ADGRL3: variants seen among roughly 807,000 people sequenced by gnomAD.
ADGRL3 encodes the protein calcium-independent alpha-latrotoxin receptor 3.
Under a neutral mutation model 153.5 loss-of-function variants are expected in ADGRL3, and 62 were observed. The ratio of observed to expected loss-of-function variants is 0.40; its 90% CI spans 0.33 to 0.50. ADGRL3 has a LOEUF of 0.50. Ranked by LOEUF, ADGRL3 falls within the 20% of genes least tolerant of loss-of-function variation. ADGRL3 has a pLI of 0.47. For missense variants in ADGRL3, 1,641 were observed against 1,859.4 expected (o/e 0.88, Z 2.16); for synonymous variants, 710 against 672.5 (o/e 1.06, Z -0.86).
At chr4:61,526,520 A>G (rs1444707120) in intron 4 of ADGRL3, among the ~76,000 whole-genome samples, 1 of 152,020 alleles carries the variant, frequency 6.6e-6, no homozygotes, top group African/African-American at 2.4e-5. Context: ...GTTCATGCCT[A>G]TAATCTTAAC....
chr4:61,787,111 A>G (rs1050953082), intron 8 of ADGRL3, among the ~76,000 whole-genome samples: 1 of 152,166 alleles, frequency 6.6e-6, no homozygotes, highest in African/African-American at 2.4e-5. Context: ...AGCAACGGGA[A>G]AAGATAAAAG....
intron 6 of ADGRL3, among the ~76,000 whole-genome samples, chr4:61,715,083 C>T (rs1159896242): frequency 6.6e-6 from 1 of 151,982 alleles, no homozygotes; most frequent in Non-Finnish European, 1.5e-5. Flanking sequence ...ATCTTACCAC[C>T]TTTTTTAACA....
At chr4:61,257,642 A>G (rs897855143) in intron 1 of ADGRL3, among the ~76,000 whole-genome samples, 2 of 152,202 alleles carry the variant, frequency 1.3e-5, no homozygotes, top group African/African-American at 4.8e-5. Context: ...ATTAAAATTC[A>G]ACTCCCCCCA....
At chr4:61,267,151 C>G (rs2092898147) in intron 1 of ADGRL3, among the ~76,000 whole-genome samples, 1 of 151,676 alleles carries the variant, frequency 6.6e-6, no homozygotes, top group South Asian at 2.1e-4. Flanking sequence ...ATTAAACTTT[C>G]AATTCCATTG....
At chr4:61,794,071 C>T (rs929583467) in intron 8 of ADGRL3, among the ~76,000 whole-genome samples, 15 of 152,158 alleles carry the variant, frequency 9.9e-5, no homozygotes, top group African/African-American at 3.1e-4. Flanking sequence ...TGCATGATGT[C>T]GTAATTAACT....
At chr4:61,380,283 C>CT (rs993795898) in intron 1 of ADGRL3, among the ~76,000 whole-genome samples, 8 of 152,092 alleles carry the variant, frequency 5.3e-5, no homozygotes, top group Admixed American at 3.3e-4. Context: ...GAGGTTAGCT[C>CT]TGTGAGTGCT....
intron 4 of ADGRL3, among the ~76,000 whole-genome samples, chr4:61,530,099 G>A (rs2098603105): frequency 1.3e-5 from 2 of 152,152 alleles, no homozygotes; most frequent in African/African-American, 4.8e-5. Context: ...AGCCAGTTCT[G>A]TAGGGATTTT....
At chr4:61,813,220 C>A (rs2097650333) in intron 8 of ADGRL3, among the ~76,000 whole-genome samples, 1 of 152,054 alleles carries the variant, frequency 6.6e-6, no homozygotes, top group Non-Finnish European at 1.5e-5. Flanking sequence ...TGGTGAAACC[C>A]CATCTCTACT....
intron 8 of ADGRL3, among the ~76,000 whole-genome samples, chr4:61,787,229 G>A (rs563300515): frequency 3.9e-5 from 6 of 151,944 alleles, no homozygotes; most frequent in Admixed American, 6.6e-5. Context: ...ATGAATTATT[G>A]TTTTTCACTA....
intron 23 of ADGRL3, among the ~76,000 whole-genome samples, chr4:62,035,107 T>A (rs1294813952): frequency 6.6e-6 from 1 of 152,016 alleles, no homozygotes; most frequent in Non-Finnish European, 1.5e-5. Flanking sequence ...TGGTCCATGT[T>A]ATTTTTTTTC....
chr4:62,045,519 T>C (rs962189901), intron 25 of ADGRL3, among the ~76,000 whole-genome samples: 4 of 152,034 alleles, frequency 2.6e-5, no homozygotes, highest in African/African-American at 9.7e-5. Context: ...TTATGCTACT[T>C]AGGAAGAAAT....
chr4:61,608,360 G>T (rs948640575), intron 5 of ADGRL3, among the ~76,000 whole-genome samples: 4 of 152,148 alleles, frequency 2.6e-5, no homozygotes, highest in African/African-American at 7.2e-5. Context: ...ACTGTAAAAT[G>T]CTAAAGACTA....
At chr4:61,680,753 T>C (rs2095318586) in intron 6 of ADGRL3, among the ~76,000 whole-genome samples, 1 of 152,068 alleles carries the variant, frequency 6.6e-6, no homozygotes, top group Non-Finnish European at 1.5e-5. Flanking sequence ...TAAGAAGAGT[T>C]AGTTTTTAAA....
intron 2 of ADGRL3, among the ~76,000 whole-genome samples, chr4:61,409,656 T>G (rs968390208): frequency 6.6e-5 from 10 of 151,560 alleles, no homozygotes; most frequent in Non-Finnish European, 2.9e-5. Flanking sequence ...TTTTTCACTC[T>G]GTTTTAGCAA....
At chr4:61,318,293 G>T (rs2095278243) in intron 1 of ADGRL3, among the ~76,000 whole-genome samples, 1 of 151,336 alleles carries the variant, frequency 6.6e-6, no homozygotes, top group African/African-American at 2.4e-5. Flanking sequence ...GAAATAGTCT[G>T]CTTCAACAAC....
rs182945038 is a variant in ADGRL3, at chr4:61,803,635, C to T, written c.1400-10174C>T. On this transcript the variant is annotated intron_variant, in intron 8 of 26. Coordinates refer to ENST00000683033, the MANE Select transcript of ADGRL3 (RefSeq NM_001387552.1). ...GAACCAAATGATTCATTTATTCCTA[C>T]GTTAACTTGAAATAATGAAATGGAA... Among the ~76,000 whole-genome samples the T allele has an allele frequency of 5.7e-4, 86 of 151,950 alleles. 2 individuals carry two copies. The highest frequency in any genetic ancestry group is 3.6e-3 in the Admixed American group (55 of 15,232).
intron 5 of ADGRL3, among the ~76,000 whole-genome samples, chr4:61,674,032 A>G (rs903041863): frequency 2.0e-5 from 3 of 151,346 alleles, no homozygotes; most frequent in Non-Finnish European, 4.4e-5. Context: ...GGAACTCACA[A>G]TGGTAACTAA....
chr4:61,279,099 G>T (rs1193620156), intron 1 of ADGRL3, among the ~76,000 whole-genome samples: 2 of 152,098 alleles, frequency 1.3e-5, no homozygotes, highest in Non-Finnish European at 2.9e-5. Context: ...TGACTGTCTA[G>T]ACAGGTTTCA....
At chr4:61,649,166 A>T (rs972003046) in intron 5 of ADGRL3, among the ~76,000 whole-genome samples, 2 of 152,072 alleles carry the variant, frequency 1.3e-5, no homozygotes, top group Non-Finnish European at 2.9e-5. Flanking sequence ...TAGTAAATAT[A>T]GTTTACTAGC....
Sources: allele counts gnomAD v4.1 joint callset (sites outside exome capture counted in the v4.1 genomes callset), GRCh38; gene constraint gnomAD v4.1.1; transcripts MANE v1.5; gene names NCBI Gene and HGNC (gene_info 2026-07-23, HGNC 2026-07-21).